Variants in BMPR1B observed in about 807,000 individuals in gnomAD.
The protein encoded by BMPR1B is bone morphogenetic protein receptor type-1B.
A neutral mutation model predicts 59.1 loss-of-function variants in BMPR1B; 12 were observed. The observed-to-expected ratio is 0.20, with a 90% CI of 0.13 to 0.33. The LOEUF (loss-of-function observed/expected upper bound fraction) is 0.33. BMPR1B is among the 10% of genes least tolerant of loss of function. BMPR1B has a pLI of 1.00. For missense variants in BMPR1B, 550 were observed against 610.9 expected, an observed-to-expected ratio of 0.90 and a Z score of 1.05; for synonymous variants, 237 against 207.3, an observed-to-expected ratio of 1.14 and a Z score of -1.23.
At chr4:94,924,461 C>G (rs993856187) in intron 2 of BMPR1B, among the ~76,000 whole-genome samples, 5 of 152,218 alleles carry the variant, frequency 3.3e-5, no homozygotes, top group African/African-American at 1.2e-4. Context: ...ACAATAAATA[C>G]ATCCTTGTTT....
At chr4:95,067,827 A>G (rs978165492) in intron 3 of BMPR1B, among the ~76,000 whole-genome samples, 1 of 152,200 alleles carries the variant, frequency 6.6e-6, no homozygotes, top group African/African-American at 2.4e-5. Context: ...TAAGGAAAAC[A>G]TTCCCAGATG....
chr4:95,152,699 T>G lies in BMPR1B; in HGVS notation c.1309T>G (p.Tyr437Asp). The G allele has an allele frequency of 6.3e-7, 1 of 1,598,262 alleles. No individual in the cohort carries two copies. Among genetic ancestry groups the G allele is most frequent in the Non-Finnish European group, 8.5e-7 (1 of 1,171,952 alleles). The change falls in exon 12 of 13, where the codon TAT becomes GAT. Residue 437 changes from tyrosine to aspartate, a missense_variant. By Grantham distance (160) the Tyr-to-Asp change is radical. Coordinates refer to ENST00000515059, the MANE Select transcript of BMPR1B (RefSeq NM_001203.3). ...TGACCTAGTGCCCAGTGACCCCTCTTATGAGGACATGAGGGAGATTGTGTG... is the reference window on the plus strand; with the variant it reads ...TGACCTAGTGCCCAGTGACCCCTCTGATGAGGACATGAGGGAGATTGTGTG... ...YHDLVPSDPS[Y>D]EDMREIVCIK...
intron 11 of BMPR1B, 38 bp from the exon 12 acceptor site, chr4:95,152,605 T>A (rs1560695869): frequency 8.9e-7 from 1 of 1,125,810 alleles, no homozygotes; most frequent in Admixed American, 2.7e-5. Context: ...TCACAGAAAA[T>A]AATAATAATA....
chr4:95,124,026 T>C (rs1052907506), intron 7 of BMPR1B, 120 bp downstream of exon 7: 4 of 697,630 alleles, frequency 5.7e-6, no homozygotes, highest in South Asian at 1.7e-5. Context: ...TTAGATCTTA[T>C]AGTTAACTGA....
intron 3 of BMPR1B, among the ~76,000 whole-genome samples, chr4:95,035,592 A>C (rs960636353): frequency 3.3e-5 from 5 of 151,930 alleles, no homozygotes; most frequent in Admixed American, 2.6e-4. Flanking sequence ...TTGGCTTTAA[A>C]TATTTGGCTT....
At chr4:95,077,936 A>G (rs1021785349) in intron 3 of BMPR1B, among the ~76,000 whole-genome samples, 11 of 152,216 alleles carry the variant, frequency 7.2e-5, no homozygotes, top group Non-Finnish European at 1.3e-4. Context: ...AGAGCATACC[A>G]TTTTAAAATG....
chr4:94,813,261 G>A (rs1004053647), intron 1 of BMPR1B, among the ~76,000 whole-genome samples: 4 of 152,174 alleles, frequency 2.6e-5, no homozygotes, highest in Non-Finnish European at 5.9e-5. Flanking sequence ...AAAAGGCAGG[G>A]TGAAAGACAT....
At chr4:95,045,813 A>G (rs1726011458) in intron 3 of BMPR1B, among the ~76,000 whole-genome samples, 1 of 152,302 alleles carries the variant, frequency 6.6e-6, no homozygotes. Context: ...GTCTCTTTTT[A>G]ATGTTCTCAC....
chr4:95,116,248 T>C (rs927119345), intron 6 of BMPR1B, among the ~76,000 whole-genome samples: 1 of 152,084 alleles, frequency 6.6e-6, no homozygotes, highest in African/African-American at 2.4e-5. Context: ...ATCGTATCAA[T>C]ATATTGATAA....
At chr4:94,795,201 C>T in intron 1 of BMPR1B, among the ~76,000 whole-genome samples, 1 of 147,534 alleles carries the variant, frequency 6.8e-6, no homozygotes, top group East Asian at 2.0e-4. Flanking sequence ...CCCATCAATA[C>T]CTAATTTATT....
At chr4:94,997,033 A>G (rs1201381849) in intron 3 of BMPR1B, among the ~76,000 whole-genome samples, 1 of 152,162 alleles carries the variant, frequency 6.6e-6, no homozygotes, top group African/African-American at 2.4e-5. Context: ...ATATACTTGT[A>G]TGTTTATATG....
chr4:94,955,505 G>C (rs1730106511), intron 2 of BMPR1B, among the ~76,000 whole-genome samples: 1 of 152,106 alleles, frequency 6.6e-6, no homozygotes, highest in Admixed American at 6.5e-5. Flanking sequence ...AGGTGGACTG[G>C]ACCTTCAGTC....
intron 3 of BMPR1B, among the ~76,000 whole-genome samples, chr4:95,071,660 A>ATG (rs1202653134): frequency 5.6e-5 from 8 of 141,774 alleles, no homozygotes; most frequent in Admixed American, 2.1e-4. Context: ...GTGTATATAT[A>ATG]TATATATATA....
intron 2 of BMPR1B, among the ~76,000 whole-genome samples, chr4:94,912,964 C>CTT (rs3836569): frequency 2.0e-5 from 3 of 150,906 alleles, no homozygotes; most frequent in African/African-American, 4.9e-5. Flanking sequence ...TGGTGTGCTG[C>CTT]TTTTTTTTTC....
At chr4:94,897,375 A>G (rs901686583) in intron 2 of BMPR1B, among the ~76,000 whole-genome samples, 5 of 152,050 alleles carry the variant, frequency 3.3e-5, no homozygotes. Context: ...GATGCATTGA[A>G]AGGCATTTGG....
intron 3 of BMPR1B, among the ~76,000 whole-genome samples, chr4:95,068,227 A>G (rs1728000369): frequency 6.6e-6 from 1 of 152,010 alleles, no homozygotes; most frequent in Non-Finnish European, 1.5e-5. Flanking sequence ...ACATAATCGT[A>G]TTTCCCGTTT....
chr4:94,872,128 G>T (rs1726524482), intron 1 of BMPR1B, among the ~76,000 whole-genome samples: 1 of 152,190 alleles, frequency 6.6e-6, no homozygotes, highest in Non-Finnish European at 1.5e-5. Flanking sequence ...TCCAGGCAGT[G>T]AGGTCTGCTT....
intron 2 of BMPR1B, among the ~76,000 whole-genome samples, chr4:94,882,401 G>A (rs1231761909): frequency 6.6e-6 from 1 of 152,232 alleles, no homozygotes. Context: ...TAGCTTGAGA[G>A]TGGGGAACAG....
chr4:94,986,736 T>G (rs922644817), intron 2 of BMPR1B, among the ~76,000 whole-genome samples: 9 of 150,802 alleles, frequency 6.0e-5, no homozygotes, highest in Non-Finnish European at 8.8e-5. Context: ...TTAAAAAATA[T>G]ATTTTGATTA....
Sources: allele counts gnomAD v4.1 joint callset (sites outside exome capture counted in the v4.1 genomes callset), GRCh38; gene constraint gnomAD v4.1.1; transcripts MANE v1.5; gene names NCBI Gene and HGNC (gene_info 2026-07-23, HGNC 2026-07-21).